Variants in TBC1D23 observed in about 807,000 individuals in gnomAD.
The protein encoded by TBC1D23 is HCV non-structural protein 4A-transactivated protein 1.
A neutral mutation model predicts 91.4 loss-of-function variants in TBC1D23; 55 were observed. The ratio of observed to expected loss-of-function variants is 0.60; its 90% CI spans 0.48 to 0.75. The LOEUF (loss-of-function observed/expected upper bound fraction) is 0.75, where lower values mean the gene tolerates loss of function less well. Among genes scored for constraint, TBC1D23 ranks in the 30% least tolerant of loss-of-function variants. TBC1D23 has a pLI of 0.00. For synonymous variants in TBC1D23, 289 were observed against 281.0 expected (o/e 1.03, Z -0.28); for missense variants, 725 against 836.1 (o/e 0.87, Z 1.64).
chr3:100,276,138 CCT>C (rs2067646924), intron 1 of TBC1D23, among the ~76,000 whole-genome samples: 1 of 150,994 alleles, frequency 6.6e-6, no homozygotes, highest in Non-Finnish European at 1.5e-5. Context: ...GTTTTCATGC[CCT>C]GTTTGGCGAG....
chr3:100,274,714 ATG>A (rs1334374410), intron 1 of TBC1D23, among the ~76,000 whole-genome samples: 1 of 149,930 alleles, frequency 6.7e-6, no homozygotes, highest in South Asian at 2.1e-4. Flanking sequence ...ATGTCGTAGC[ATG>A]TGTCAGAATT....
At chr3:100,286,401 TC>T (rs971598784) in intron 4 of TBC1D23, among the ~76,000 whole-genome samples, 4 of 152,120 alleles carry the variant, frequency 2.6e-5, no homozygotes, top group Admixed American at 6.5e-5. Context: ...TTCCATGACT[TC>T]CATATGGAAC....
rs1559818769 is a variant in TBC1D23 at position 100,323,691 on chromosome 3, A to T, written c.*23A>T. Reference sequence around the variant, plus strand: ...TAATATAAAAGAAAATTATATAAAAAGAAATTAAGACAACCAAGAGAAACA... The same window carrying T: ...TAATATAAAAGAAAATTATATAAAATGAAATTAAGACAACCAAGAGAAACA... On this transcript the variant is annotated 3_prime_UTR_variant, in exon 19 of 19. Transcript: ENST00000394144. 2 of 1,294,654 alleles carry T rather than the reference A, an allele frequency of 1.5e-6. No individual in the cohort carries two copies. The highest frequency in any genetic ancestry group is 2.7e-5 in the East Asian group (1 of 36,528). The allele number at this position is 1,294,654 out of a possible 1,614,324, so 80.2% of individuals were successfully genotyped here.
intron 1 of TBC1D23, among the ~76,000 whole-genome samples, chr3:100,263,591 AAG>A (rs2148847170): frequency 1.3e-5 from 2 of 152,364 alleles, no homozygotes; most frequent in Non-Finnish European, 2.9e-5. Context: ...CAAGAGAAAA[AAG>A]AAAAATAGAT....
rs1160231166 is a variant in TBC1D23 at position 100,279,637 on chromosome 3, CTT to C, written c.54-11_54-10del. 21 of 1,529,746 alleles carry C rather than the reference CTT, an allele frequency of 1.4e-5. No individual in the cohort carries two copies. Among genetic ancestry groups the C allele is most frequent in the Non-Finnish European group, 1.8e-5 (20 of 1,115,462 alleles). The allele number at this position is 1,529,746 out of a possible 1,614,324, so 94.8% of individuals were successfully genotyped here. ...ATAAAGTTCATTTTAATAAATAGGA[CTT>C]ATTTTTTAGGGAAAAAGATCTTGAA... On this transcript the variant is annotated splice_polypyrimidine_tract_variant and intron_variant, in intron 1 of 18. Coordinates refer to ENST00000394144, the MANE Select transcript of TBC1D23 (RefSeq NM_001199198.3).
chr3:100,274,053 CATG>C (rs1189409220), intron 1 of TBC1D23, among the ~76,000 whole-genome samples: 7 of 152,030 alleles, frequency 4.6e-5, no homozygotes, highest in Non-Finnish European at 8.8e-5. Context: ...GTGATTATCT[CATG>C]GTAATGGAAT....
At chr3:100,302,677 C>A (rs752381510) in intron 11 of TBC1D23, among the ~76,000 whole-genome samples, 11 of 152,094 alleles carry the variant, frequency 7.2e-5, no homozygotes, top group Non-Finnish European at 8.8e-5. Flanking sequence ...ACCTCTGCAT[C>A]CTGGATTCAA....
rs1443627942 is a variant in TBC1D23 at position 100,319,100 on chromosome 3, T to C, written c.1719T>C (p.Asp573=). Residue 573 remains aspartate, a synonymous_variant, in exon 17 of 19, where the codon GAT becomes GAC. Transcript: ENST00000394144. ...TTGACAGTTCTTCAATGTCAGATGA[T>C]GATAGAAAAGAGGTTGTAAACATTC... The part of the protein sequence containing the change: ...DEIDSSSMSD[D]DRKEVVNIQT... 4 of 1,584,968 alleles carry C rather than the reference T, an allele frequency of 2.5e-6. No homozygotes were observed. The African/African-American group carries it at 4.0e-5, about 16-fold the overall frequency.
In TBC1D23 at chr3:100,302,139, T is replaced by C. The variant is rs1705444900; in HGVS notation, c.1165T>C (p.Ser389Pro). The C allele has an allele frequency of 3.1e-6, 5 of 1,614,060 alleles. No individual in the cohort carries two copies. The highest frequency in any genetic ancestry group is 4.2e-6 in the Non-Finnish European group (5 of 1,179,938). The change falls in exon 11 of 19, where the codon TCT becomes CCT. Residue 389 changes from serine to proline, a missense_variant. Physicochemically the swap from Ser to Pro is moderately conservative, Grantham distance 74. Transcript: ENST00000394144. ...LLEAQKQSIE[S>P]GSIAGGEHLC... Reference sequence around the variant, plus strand: ...GGAAGCACAGAAGCAGTCCATTGAGTCTGGCTCCATAGCTGGTGGGGAGCA... The same window carrying C: ...GGAAGCACAGAAGCAGTCCATTGAGCCTGGCTCCATAGCTGGTGGGGAGCA...
At chr3:100,266,789 A>T (rs1419505308) in intron 1 of TBC1D23, among the ~76,000 whole-genome samples, 3 of 152,236 alleles carry the variant, frequency 2.0e-5, no homozygotes, top group Non-Finnish European at 4.4e-5. Context: ...ATACTGTAAT[A>T]TGCAGCCAAC....
At chr3:100,280,488 A>G (rs2067685318) in intron 2 of TBC1D23, among the ~76,000 whole-genome samples, 1 of 152,246 alleles carries the variant, frequency 6.6e-6, no homozygotes, top group Non-Finnish European at 1.5e-5. Context: ...AAAGAAATAC[A>G]TATATTTGTG....
chr3:100,310,582 A>T (rs1206174066), intron 14 of TBC1D23, 40 bp downstream of exon 14: 4 of 1,488,922 alleles, frequency 2.7e-6, no homozygotes, highest in Non-Finnish European at 3.6e-6. Flanking sequence ...ATGAGTAATT[A>T]AAACTAAAGA....
Position 100,299,283 on chromosome 3 carries a change from A to G in TBC1D23, c.1044A>G (p.Gln348=). The G allele has an allele frequency of 6.2e-7, 1 of 1,613,146 alleles. No individual in the cohort carries two copies. Among genetic ancestry groups the G allele is most frequent in the Non-Finnish European group, 8.5e-7 (1 of 1,179,280 alleles). ...TGGTGGATTGCCGTCCTGCAGAACA[A>G]TATAATGCTGGGCATTTATCAACTG... ...FFVVDCRPAE[Q]YNAGHLSTAF... is the part of the protein sequence containing the mutation. Residue 348 remains glutamine (Q), a synonymous_variant, in exon 10 of 19, where the codon CAA becomes CAG. Transcript: ENST00000394144.
At chr3:100,277,235 C>G (rs905229334) in intron 1 of TBC1D23, among the ~76,000 whole-genome samples, 2 of 152,220 alleles carry the variant, frequency 1.3e-5, no homozygotes, top group Non-Finnish European at 2.9e-5. Context: ...TTTACCTTAA[C>G]AATTTTCAGC....
At chr3:100,321,238 C>G (rs1705853316) in intron 18 of TBC1D23, among the ~76,000 whole-genome samples, 5 of 152,178 alleles carry the variant, frequency 3.3e-5, no homozygotes, top group Admixed American at 3.3e-4. Context: ...CAGTGCTGCA[C>G]TAATTGCTGG....
chr3:100,316,161 T>C lies in TBC1D23; in HGVS notation c.1661T>C (p.Ile554Thr), dbSNP rs1705740771. The change falls in exon 16 of 19, where the codon ATT becomes ACT. Residue 554 changes from isoleucine (I) to threonine (T), a missense_variant. Transcript: ENST00000394144. ...PYRGVKPVFS[I>T]GDEEEYDTDE... ...CGTGGCGTAAAGCCTGTTTTCAGCA[T>C]TGGGGATGAAGAAGAATACGACACA... The C allele has an allele frequency of 6.2e-7, 1 of 1,613,894 alleles. No homozygotes were observed. The highest frequency in any genetic ancestry group is 8.5e-7 in the Non-Finnish European group (1 of 1,179,790).
intron 13 of TBC1D23, among the ~76,000 whole-genome samples, chr3:100,309,391 T>C (rs1449237691): frequency 6.6e-6 from 1 of 152,172 alleles, no homozygotes. Context: ...GAAAGGTTAA[T>C]AGTTTTAACT....
chr3:100,318,933 G>A (rs1262007176), intron 16 of TBC1D23, 136 bp from the exon 17 acceptor site: 17 of 524,556 alleles, frequency 3.2e-5, no homozygotes, highest in Middle Eastern at 1.0e-3. Context: ...GATTGCAGGC[G>A]TGAGTCACTG....
chr3:100,288,750 G>A (rs188966153), intron 4 of TBC1D23, among the ~76,000 whole-genome samples: 27 of 152,276 alleles, frequency 1.8e-4, no homozygotes, highest in African/African-American at 5.3e-4. Flanking sequence ...CAGTACAAAA[G>A]CTGAATGGAG....
Sources: allele counts gnomAD v4.1 joint callset (sites outside exome capture counted in the v4.1 genomes callset), GRCh38; gene constraint gnomAD v4.1.1; transcripts MANE v1.5; gene names NCBI Gene and HGNC (gene_info 2026-07-23, HGNC 2026-07-21).